DPP6: variants seen among roughly 807,000 people sequenced by gnomAD.
DPP6 encodes the protein A-type potassium channel modulatory protein DPP6.
DPP6 carries 69 observed loss-of-function variants against 122.6 expected under a neutral mutation model. The ratio of observed to expected loss-of-function variants is 0.56; its 90% CI spans 0.46 to 0.69. The LOEUF (loss-of-function observed/expected upper bound fraction) is 0.69. DPP6 is among the 30% of genes least tolerant of loss of function. The pLI is 0.00. For missense variants in DPP6, 928 were observed against 1,116.9 expected (o/e 0.83, Z 2.41); for synonymous variants, 418 against 433.1 (o/e 0.97, Z 0.43).
At chr7:153,887,397 C>G in exon 1 of DPP6, 1 of 315,858 alleles carries the variant, frequency 3.2e-6, no homozygotes, top group East Asian at 5.5e-5. Context: ...CTCCCTGGCT[C>G]CTGGCTTTTT....
At chr7:153,834,617 C>G in the DPP6 span, among the ~76,000 whole-genome samples, 2 of 152,188 alleles carry the variant, frequency 1.3e-5, no homozygotes, top group African/African-American at 4.8e-5. Flanking sequence ...CAAATATTAT[C>G]TCATTTGATT....
intron 5 of DPP6, chr7:154,587,278 G>A (rs1250485119): frequency 7.0e-6 from 2 of 284,576 alleles, no homozygotes; most frequent in African/African-American, 4.4e-5. Context: ...GCCTTGGGTG[G>A]CTGCTCTCAT....
intron 1 of DPP6, among the ~76,000 whole-genome samples, chr7:154,394,263 G>T (rs1225867630): frequency 1.3e-5 from 2 of 152,018 alleles, no homozygotes. Context: ...CTGTTTGTTT[G>T]TTTGTTTGTT....
intron 1 of DPP6, among the ~76,000 whole-genome samples, chr7:154,056,276 A>G (rs1306734027): frequency 6.6e-6 from 1 of 152,078 alleles, no homozygotes; most frequent in Non-Finnish European, 1.5e-5. Context: ...ATTTATTTAA[A>G]TATAAAGTCA....
At chr7:154,548,603 G>T (rs1189976386) in intron 4 of DPP6, among the ~76,000 whole-genome samples, 1 of 151,666 alleles carries the variant, frequency 6.6e-6, no homozygotes, top group African/African-American at 2.4e-5. Flanking sequence ...ACTGTTCCCT[G>T]CAGGCTAAGG....
chr7:154,459,921 T>C (rs1243579995), intron 2 of DPP6, among the ~76,000 whole-genome samples: 1 of 150,626 alleles, frequency 6.6e-6, no homozygotes, highest in Non-Finnish European at 1.5e-5. Context: ...AGTCCCTAGA[T>C]ACTGTCACTT....
chr7:154,018,177 T>C (rs1450897348), intron 1 of DPP6, among the ~76,000 whole-genome samples: 3 of 151,982 alleles, frequency 2.0e-5, no homozygotes. Context: ...CTGCTGTAGA[T>C]GACCTGAAAT....
chr7:154,060,985 CTG>C (rs916385822), intron 1 of DPP6, among the ~76,000 whole-genome samples: 2 of 149,016 alleles, frequency 1.3e-5, no homozygotes, highest in Non-Finnish European at 3.0e-5. Context: ...ACCTGGAGGA[CTG>C]TGGGTATTAG....
At chr7:154,688,057 T>G (rs927996959) in intron 7 of DPP6, among the ~76,000 whole-genome samples, 1 of 152,256 alleles carries the variant, frequency 6.6e-6, no homozygotes, top group African/African-American at 2.4e-5. Flanking sequence ...CCACACGTTC[T>G]TACTACAGCT....
At chr7:154,209,182 T>C (rs1174645784) in intron 1 of DPP6, among the ~76,000 whole-genome samples, 2 of 152,188 alleles carry the variant, frequency 1.3e-5, no homozygotes, top group Non-Finnish European at 2.9e-5. Context: ...GGAGAACTAT[T>C]AGACTTCCCT....
chr7:153,964,388 G>A (rs561199920), intron 1 of DPP6, among the ~76,000 whole-genome samples: 8 of 152,096 alleles, frequency 5.3e-5, no homozygotes, highest in Non-Finnish European at 7.4e-5. Context: ...TTCATCTCTT[G>A]TTGGCGTTTC....
intron 1 of DPP6, chr7:154,095,913 T>C (rs1276344644): frequency 7.2e-6 from 1 of 138,928 alleles, no homozygotes; most frequent in East Asian, 2.4e-4. Flanking sequence ...CAGTTCACGC[T>C]ACAGGACAAT....
chr7:154,678,279 G>T (rs1245518614), intron 7 of DPP6, among the ~76,000 whole-genome samples: 2 of 152,228 alleles, frequency 1.3e-5, no homozygotes, highest in Non-Finnish European at 2.9e-5. Flanking sequence ...CGTGGAAGCT[G>T]TGTTCTTTCC....
chr7:154,061,914 G>A (rs1471340598), intron 1 of DPP6, among the ~76,000 whole-genome samples: 3 of 131,950 alleles, frequency 2.3e-5, no homozygotes, highest in African/African-American at 8.4e-5. Context: ...TCCCCCCCTG[G>A]CTCTGAGGAC....
At chr7:154,490,182 C>T (rs992099074) in intron 3 of DPP6, among the ~76,000 whole-genome samples, 2 of 152,196 alleles carry the variant, frequency 1.3e-5, no homozygotes, top group African/African-American at 2.4e-5. Flanking sequence ...GCCCAAAGTC[C>T]AGTGGAAAGT....
intron 7 of DPP6, among the ~76,000 whole-genome samples, chr7:154,705,743 G>A (rs1840794161): frequency 6.6e-6 from 1 of 152,210 alleles, no homozygotes; most frequent in African/African-American, 2.4e-5. Flanking sequence ...AAAAAGTGGA[G>A]GTCACCACTA....
chr7:154,447,474 TG>T (rs1819983538), intron 2 of DPP6, among the ~76,000 whole-genome samples: 1 of 151,964 alleles, frequency 6.6e-6, no homozygotes, highest in African/African-American at 2.4e-5. Flanking sequence ...GACCTTAAGA[TG>T]AAAAAAAGTA....
Position 154,887,592 on chromosome 7 carries a change from T to C in DPP6, c.2246-84T>C, listed in dbSNP as rs4960642. 0.041 allele frequency: 57,415 copies of C among 1,413,250 alleles called. 1,391 individuals carry two copies. The highest frequency in any genetic ancestry group is 0.069 in the East Asian group (3,044 of 43,910). 87.5% of individuals were successfully genotyped at this position (1,413,250 alleles called of 1,614,324 possible). A position where few individuals can be genotyped will look rare whatever the true frequency, so the allele number is the denominator to read the frequency against. ...GCCTGAGTCCTCACCCCGCACCCGG[T>C]CCAGGGCCCTCCCTAGAGTTTGGGG... is the stretch of plus-strand genomic sequence containing the variant. On this transcript the variant is annotated intron_variant, in intron 22 of 25. Coordinates refer to ENST00000377770, the MANE Select transcript of DPP6 (RefSeq NM_130797.4).
rs540755290 is a variant in DPP6 at position 154,496,205 on chromosome 7, T to C, written c.457+21168T>C. Among the ~76,000 whole-genome samples the C allele has an allele frequency of 1.1e-4, 16 of 152,316 alleles. 1 individual carries two copies. In the South Asian group the frequency reaches 1.9e-3, roughly 18 times the overall value. On this transcript the variant is annotated intron_variant, in intron 3 of 25. Coordinates refer to ENST00000377770, the MANE Select transcript of DPP6 (RefSeq NM_130797.4). ...CTGGAATAAATACTAGTGAACTTAA[T>C]TTATTTCAAGAAGAATACAGATGCA... is the stretch of plus-strand genomic sequence containing the variant.
Sources: allele counts gnomAD v4.1 joint callset (sites outside exome capture counted in the v4.1 genomes callset), GRCh38; gene constraint gnomAD v4.1.1; transcripts MANE v1.5; gene names NCBI Gene and HGNC (gene_info 2026-07-23, HGNC 2026-07-21).